AGBL4: variants seen among roughly 807,000 people sequenced by gnomAD.
The protein encoded by AGBL4 is cytosolic carboxypeptidase 6.
Under a neutral mutation model 66.4 loss-of-function variants are expected in AGBL4, and 58 were observed. The observed-to-expected ratio is 0.87, with a 90% CI of 0.71 to 1.09. The LOEUF is 1.09. AGBL4 is among the 50% of genes least tolerant of loss of function. The pLI, the probability that AGBL4 is intolerant of heterozygous loss-of-function variation, is 0.00. For missense variants in AGBL4, 579 were observed against 631.0 expected, an observed-to-expected ratio of 0.92 and a Z score of 0.88; for synonymous variants, 234 against 222.9, an observed-to-expected ratio of 1.05 and a Z score of -0.44.
intron 9 of AGBL4, among the ~76,000 whole-genome samples, chr1:48,593,391 G>A (rs1424210537): frequency 1.3e-5 from 2 of 152,052 alleles, no homozygotes; most frequent in African/African-American, 4.8e-5. Flanking sequence ...ATCTTTTCTT[G>A]TTACAAAGAA....
intron 5 of AGBL4, among the ~76,000 whole-genome samples, chr1:49,014,490 T>C (rs1490862619): frequency 6.6e-6 from 1 of 152,214 alleles, no homozygotes; most frequent in African/African-American, 2.4e-5. Context: ...CTTGGAAACT[T>C]AGAACACAGC....
chr1:48,938,397 T>C (rs1194274887), intron 5 of AGBL4, among the ~76,000 whole-genome samples: 1 of 152,208 alleles, frequency 6.6e-6, no homozygotes, highest in African/African-American at 2.4e-5. Context: ...AAATATGTAA[T>C]TATACATTGT....
intron 3 of AGBL4, among the ~76,000 whole-genome samples, chr1:49,473,159 G>C (rs188895177): frequency 6.6e-6 from 1 of 152,056 alleles, no homozygotes; most frequent in Non-Finnish European, 1.5e-5. Flanking sequence ...TTTCCTTTGG[G>C]TATATACCCA....
intron 3 of AGBL4, among the ~76,000 whole-genome samples, chr1:49,338,828 G>A (rs114281853): frequency 3.2e-4 from 48 of 152,226 alleles, no homozygotes; most frequent in African/African-American, 1.1e-3. Context: ...TGGGGTATGA[G>A]TTATGGGACC....
At chr1:49,760,782 C>A (rs545443335) in intron 2 of AGBL4, among the ~76,000 whole-genome samples, 10 of 152,256 alleles carry the variant, frequency 6.6e-5, no homozygotes, top group African/African-American at 1.9e-4. Context: ...AAATGCCCAT[C>A]ATTGATAGAA....
At chr1:49,435,139 T>C (rs1645874685) in intron 3 of AGBL4, among the ~76,000 whole-genome samples, 2 of 152,216 alleles carry the variant, frequency 1.3e-5, no homozygotes, top group Non-Finnish European at 2.9e-5. Flanking sequence ...TAACAGTTTG[T>C]TGTTACATAT....
chr1:48,717,890 T>C (rs1647078515), intron 6 of AGBL4, among the ~76,000 whole-genome samples: 1 of 152,146 alleles, frequency 6.6e-6, no homozygotes, highest in African/African-American at 2.4e-5. Context: ...TCAGGAGAAA[T>C]ATAGACTATA....
chr1:48,597,199 A>T (rs1196836374), intron 9 of AGBL4, among the ~76,000 whole-genome samples: 1 of 152,242 alleles, frequency 6.6e-6, no homozygotes, highest in African/African-American at 2.4e-5. Flanking sequence ...ATTTAAAAAA[A>T]ATATCCTTCT....
intron 9 of AGBL4, chr1:48,634,262 A>C: frequency 8.2e-6 from 3 of 366,966 alleles, no homozygotes; most frequent in Non-Finnish European, 1.5e-5. Flanking sequence ...TATTTCCTTT[A>C]ACCCTCCAGA....
intron 4 of AGBL4, among the ~76,000 whole-genome samples, chr1:49,051,190 A>C (rs1289636295): frequency 6.6e-6 from 1 of 152,154 alleles, no homozygotes; most frequent in Non-Finnish European, 1.5e-5. Flanking sequence ...AAAGGGACAT[A>C]ATAAAAAATC....
At chr1:49,135,415 A>T (rs1387161414) in intron 4 of AGBL4, among the ~76,000 whole-genome samples, 1 of 152,156 alleles carries the variant, frequency 6.6e-6, no homozygotes, top group Non-Finnish European at 1.5e-5. Context: ...ACCCTGACCC[A>T]GCAGTGCTAG....
chr1:49,058,277 G>A (rs1389344984), intron 4 of AGBL4, among the ~76,000 whole-genome samples: 1 of 152,132 alleles, frequency 6.6e-6, no homozygotes, highest in Admixed American at 6.5e-5. Flanking sequence ...CACATGTCAT[G>A]GGAGAGACCC....
intron 3 of AGBL4, among the ~76,000 whole-genome samples, chr1:49,254,860 G>A (rs567141011): frequency 9.2e-5 from 14 of 151,964 alleles, no homozygotes; most frequent in African/African-American, 3.4e-4. Flanking sequence ...AAACAAAGCT[G>A]CATACCTAAA....
chr1:49,375,722 A>C (rs1644459261), intron 3 of AGBL4, among the ~76,000 whole-genome samples: 1 of 152,108 alleles, frequency 6.6e-6, no homozygotes, highest in African/African-American at 2.4e-5. Flanking sequence ...CTTCACAGGA[A>C]AGTGATTATC....
chr1:49,881,711 C>T (rs1460662224), intron 1 of AGBL4, among the ~76,000 whole-genome samples: 20 of 150,692 alleles, frequency 1.3e-4, no homozygotes, highest in Admixed American at 1.3e-3. Context: ...GTTCATGTCC[C>T]TCGCCCACTT....
At chr1:49,675,801 G>A (rs971191621) in intron 3 of AGBL4, among the ~76,000 whole-genome samples, 2 of 152,018 alleles carry the variant, frequency 1.3e-5, no homozygotes, top group African/African-American at 4.8e-5. Context: ...GCCTCCTCCA[G>A]GGGGGATCCA....
At chr1:49,943,412 C>T (rs553198412) in intron 1 of AGBL4, among the ~76,000 whole-genome samples, 6 of 152,220 alleles carry the variant, frequency 3.9e-5, no homozygotes, top group South Asian at 2.1e-4. Context: ...CTAAAGGAAG[C>T]GGATTGCTCC....
chr1:49,143,381 A>C (rs1156630773), intron 4 of AGBL4, among the ~76,000 whole-genome samples: 1 of 152,182 alleles, frequency 6.6e-6, no homozygotes, highest in African/African-American at 2.4e-5. Context: ...TACCCCATGT[A>C]AAATGGCTAC....
Position 48,534,113 on chromosome 1 carries a change from C to G in AGBL4, c.*60G>C, listed in dbSNP as rs1235232755. On this transcript the variant is annotated 3_prime_UTR_variant, in exon 14 of 14. Transcript: ENST00000371839. ...GAAGCTAGAGAAGAGTGATTAATTTCATTCCCCAGCAGAAAATGCATGCTC... is the reference window on the plus strand; with the variant it reads ...GAAGCTAGAGAAGAGTGATTAATTTGATTCCCCAGCAGAAAATGCATGCTC... 1.5e-5 allele frequency: 23 copies of G among 1,550,104 alleles called. No homozygotes were observed. Among genetic ancestry groups the G allele is most frequent in the Non-Finnish European group, 2.0e-5 (23 of 1,145,832 alleles).
Sources: gnomAD v4.1 joint callset for allele counts (sites outside exome capture counted in the v4.1 genomes callset) on GRCh38, gnomAD v4.1.1 for gene constraint, MANE v1.5 for transcripts, NCBI Gene and HGNC (gene_info 2026-07-23, HGNC 2026-07-21) for gene names.